ARMCX4: variants seen among roughly 807,000 people sequenced by gnomAD.
ARMCX4 encodes armadillo repeat containing X-linked 4, also known as armadillo repeat-containing X-linked protein 4.
ARMCX4 carries 3 observed loss-of-function variants against 34.7 expected under a neutral mutation model. That is an observed-to-expected ratio of 0.09 (90% CI 0.04 to 0.22). The LOEUF is 0.22. Ranked by LOEUF, ARMCX4 falls within the 10% of genes least tolerant of loss-of-function variation. ARMCX4 has a pLI of 1.00. For synonymous variants in ARMCX4, 513 were observed against 632.8 expected (o/e 0.81, Z 2.84); for missense variants, 1,448 against 1,720.8 (o/e 0.84, Z 2.81).
intron 1 of ARMCX4, chrX:101,418,758 AG>A (rs782058333): frequency 3.2e-3 from 317 of 100,185 alleles, no homozygotes; most frequent in African/African-American, 9.9e-3. Flanking sequence ...TGGCCGGGGC[AG>A]GGGGAGCTGC....
At chrX:101,419,175 G>T (rs1413977894) in intron 2 of ARMCX4, 1 of 110,449 alleles carries the variant, frequency 9.1e-6, no homozygotes, top group Non-Finnish European at 1.9e-5. Flanking sequence ...AATCAGAAAT[G>T]CACAATTAGT....
Position 101,490,024 on chromosome X carries a change from A to G in ARMCX4, c.1435A>G (p.Ser479Gly). ...CTGTACACAGCCTCAGCTTGTGGCC[A>G]GTGTTCAGGCTGATACCTTGTCTGA... ...LSCTQPQLVASVQADTLSDGK... is the reference protein window; with the variant it reads ...LSCTQPQLVAGVQADTLSDGK... Residue 479 changes from serine (S) to glycine (G), a missense_variant, in exon 6 of 6, where the codon AGT (serine) becomes GGT (glycine). Transcript: ENST00000423738. 8.6e-7 allele frequency: 1 copy of G among 1,156,137 alleles called. No individual in the cohort carries two copies. Among genetic ancestry groups the G allele is most frequent in the Non-Finnish European group, 1.1e-6 (1 of 872,996 alleles).
chrX:101,492,419 C>G lies in ARMCX4; in HGVS notation c.3830C>G (p.Ser1277Cys). 1 of 1,154,025 alleles carries G rather than the reference C, an allele frequency of 8.7e-7. No individual in the cohort carries two copies. The highest frequency in any genetic ancestry group is 1.1e-6 in the Non-Finnish European group (1 of 872,407). The stretch of plus-strand genomic sequence containing the variant: ...GCTGAGAACCAAGCCAGTGAAGGGT[C>G]TTGGGCTGGAGCTGGGGCTGGGAAT... ...TGAENQASEG[S>C]WAGAGAGNMS... The change falls in exon 6 of 6, where the codon TCT (serine) becomes TGT (cysteine). Residue 1277 changes from serine (S) to cysteine (C), a missense_variant. This residue lies in a region of ARMCX4 where 1,343 missense variants were observed against 1,540.7 expected (regional missense o/e 0.87). Coordinates refer to ENST00000423738, the MANE Select transcript of ARMCX4 (RefSeq NM_001256155.3).
intron 11 of ARMCX4, among the ~76,000 whole-genome samples, chrX:101,519,878 A>T (rs1205903366): frequency 9.1e-6 from 1 of 110,493 alleles, no homozygotes; most frequent in Non-Finnish European, 1.9e-5. Flanking sequence ...GTGTGAGGTG[A>T]TATCTCATTG....
chrX:101,489,883 G>A lies in ARMCX4; in HGVS notation c.1294G>A (p.Ala432Thr), dbSNP rs1556008139. ...GNPNAMTKAGAKANLRANSQV... is the reference protein window; with the variant it reads ...GNPNAMTKAGTKANLRANSQV... ...TCCCAATGCCATGACTAAAGCAGGG[G>A]CCAAGGCAAACTTGAGGGCCAATTC... Residue 432 changes from alanine to threonine, a missense_variant, in exon 6 of 6, where the codon GCC (alanine) becomes ACC (threonine). By Grantham distance (58) the Ala-to-Thr change is moderately conservative. Around this residue, in one of 2 missense-constraint regions of ARMCX4, gnomAD observed 1,343 missense variants for 1,540.7 expected, o/e 0.87. Coordinates refer to ENST00000423738, the MANE Select transcript of ARMCX4 (RefSeq NM_001256155.3). 2 of 1,156,264 alleles carry A rather than the reference G, an allele frequency of 1.7e-6. No homozygotes were observed. Among genetic ancestry groups the A allele is most frequent in the African/African-American group, 3.5e-5 (2 of 56,448 alleles).
At position 101,490,339 on chromosome X, in the gene ARMCX4, C is replaced by A. The variant is rs1556008376; in HGVS notation, c.1750C>A (p.Gln584Lys). ...TTCTAAAGCCGGGACTAAGGCAGAC[C>A]AGAGGGTCTGTGGTCAGCCCCTGGT... ...ATSKAGTKADQRVCGQPLVVA... is the reference protein window; with the variant it reads ...ATSKAGTKADKRVCGQPLVVA... The change falls in exon 6 of 6, where the codon CAG (glutamine) becomes AAG (lysine). Residue 584 changes from glutamine (Q) to lysine (K), a missense_variant. Physicochemically the swap from Gln to Lys is moderately conservative, Grantham distance 53. Coordinates refer to ENST00000423738, the MANE Select transcript of ARMCX4 (RefSeq NM_001256155.3). 1 of 1,153,748 alleles carries A rather than the reference C, an allele frequency of 8.7e-7. No individual in the cohort carries two copies. Among genetic ancestry groups the A allele is most frequent in the African/African-American group, 1.8e-5 (1 of 55,756 alleles).
chrX:101,520,920 A>G (rs931047648), intron 11 of ARMCX4, among the ~76,000 whole-genome samples: 1 of 107,721 alleles, frequency 9.3e-6, no homozygotes, highest in Non-Finnish European at 1.9e-5. Flanking sequence ...ATTATTACTA[A>G]TTAAATGTCT....
chrX:101,422,716 A>G (rs1929347752), intron 2 of ARMCX4, among the ~76,000 whole-genome samples: 1 of 111,228 alleles, frequency 9.0e-6, no homozygotes, highest in Non-Finnish European at 1.9e-5. Flanking sequence ...TTGTTTCAGA[A>G]TCAAACCACA....
At chrX:101,439,471 T>C (rs1367504378) in intron 2 of ARMCX4, among the ~76,000 whole-genome samples, 2 of 111,327 alleles carry the variant, frequency 1.8e-5, no homozygotes, top group Non-Finnish European at 3.8e-5. Flanking sequence ...TTGCTCTTCT[T>C]GAGGAGTATC....
chrX:101,477,713 A>C (rs1933263696), intron 4 of ARMCX4, among the ~76,000 whole-genome samples: 2 of 110,558 alleles, frequency 1.8e-5, no homozygotes, highest in Admixed American at 2.0e-4. Flanking sequence ...ACAGAAAAAG[A>C]AAACTATAAA....
At chrX:101,534,272 A>G (rs1459942566), downstream of ARMCX4, among the ~76,000 whole-genome samples, 1 of 111,872 alleles carries the variant, frequency 8.9e-6, no homozygotes, top group Non-Finnish European at 1.9e-5. Context: ...GTTGTTGGAT[A>G]GAAAGATATT....
intron 7 of ARMCX4, among the ~76,000 whole-genome samples, chrX:101,502,974 C>G (rs1283809332): frequency 9.2e-5 from 8 of 87,174 alleles, no homozygotes; most frequent in Non-Finnish European, 1.8e-4. Context: ...TGTGATGTTC[C>G]CCTTCCTGTG....
chrX:101,452,754 C>T (rs1049190765), downstream of ARMCX4, among the ~76,000 whole-genome samples: 6 of 109,631 alleles, frequency 5.5e-5, no homozygotes, highest in African/African-American at 2.0e-4. Context: ...TGGGGTTTCG[C>T]TATGTTGGCC....
At chrX:101,511,931 A>T (rs971637422) in intron 11 of ARMCX4, among the ~76,000 whole-genome samples, 13 of 108,118 alleles carry the variant, frequency 1.2e-4, no homozygotes, top group Non-Finnish European at 1.5e-4. Flanking sequence ...TTTTTTTTTT[A>T]GTACAACTTA....
chrX:101,458,199 C>T (rs924277844), intron 4 of ARMCX4, among the ~76,000 whole-genome samples: 2 of 110,041 alleles, frequency 1.8e-5, no homozygotes, highest in Admixed American at 9.7e-5. Flanking sequence ...CGATGTGTTT[C>T]GACTCATCAG....
At chrX:101,466,294 G>T (rs1020657209) in intron 4 of ARMCX4, among the ~76,000 whole-genome samples, 22 of 112,025 alleles carry the variant, frequency 2.0e-4, no homozygotes, top group Non-Finnish European at 3.4e-4. Flanking sequence ...ATTCTAGTGG[G>T]AATGTAAAAT....
intron 2 of ARMCX4, among the ~76,000 whole-genome samples, chrX:101,434,254 C>CTTT (rs140569758): frequency 4.5e-5 from 4 of 89,290 alleles, no homozygotes; most frequent in Admixed American, 1.3e-4. Context: ...TTAGAGTATT[C>CTTT]TTTTTTTTTT....
intron 11 of ARMCX4, among the ~76,000 whole-genome samples, chrX:101,513,184 T>C (rs1934632620): frequency 9.0e-6 from 1 of 111,335 alleles, no homozygotes; most frequent in African/African-American, 3.3e-5. Context: ...CAATAGATTA[T>C]AAATGTGAAT....
chrX:101,432,819 TG>T (rs1930189781), intron 2 of ARMCX4, among the ~76,000 whole-genome samples: 1 of 103,961 alleles, frequency 9.6e-6, no homozygotes, highest in African/African-American at 3.5e-5. Context: ...TACATATATA[TG>T]TATATACGTG....
Sources: allele counts gnomAD v4.1 joint callset (sites outside exome capture counted in the v4.1 genomes callset), GRCh38; gene constraint gnomAD v4.1.1; regional missense constraint gnomAD v4.1.1; transcripts MANE v1.5; gene names NCBI Gene and HGNC (gene_info 2026-07-23, HGNC 2026-07-21).